Variants in CREB5 observed in about 807,000 individuals in gnomAD.
CREB5 encodes cyclic AMP-responsive element-binding protein 5.
CREB5 carries 19 observed loss-of-function variants against 57.1 expected under a neutral mutation model. That is an observed-to-expected ratio of 0.33 (90% CI 0.23 to 0.49). CREB5 has a LOEUF of 0.49. CREB5 is among the 20% of genes least tolerant of loss of function. The probability of loss-of-function intolerance (pLI) is 0.99; values close to 1 mark genes in which losing one functional copy is unlikely to be tolerated. For synonymous variants in CREB5, 238 were observed against 238.3 expected, an observed-to-expected ratio of 1.00 and a Z score of 0.01; for missense variants, 579 against 671.6, an observed-to-expected ratio of 0.86 and a Z score of 1.52.
intron 7 of CREB5, among the ~76,000 whole-genome samples, chr7:28,735,103 T>TG (rs1359618509): frequency 2.8e-4 from 42 of 152,088 alleles, no homozygotes; most frequent in Non-Finnish European, 5.9e-4. Flanking sequence ...CACTTAATCG[T>TG]TTTGGTTTTT....
chr7:28,425,849 A>G (rs1256999523), intron 1 of CREB5, among the ~76,000 whole-genome samples: 2 of 152,158 alleles, frequency 1.3e-5, no homozygotes, highest in Non-Finnish European at 2.9e-5. Flanking sequence ...TGCGCCTTTG[A>G]CATTTTCCTC....
intron 1 of CREB5, among the ~76,000 whole-genome samples, chr7:28,431,352 T>A (rs1303548805): frequency 1.3e-5 from 2 of 152,202 alleles, no homozygotes; most frequent in African/African-American, 4.8e-5. Context: ...ATGGCATTCA[T>A]AATGTCACAC....
intron 5 of CREB5, among the ~76,000 whole-genome samples, chr7:28,618,240 C>T (rs1797667807): frequency 6.6e-6 from 1 of 151,882 alleles, no homozygotes; most frequent in African/African-American, 2.4e-5. Context: ...TCTTAAAGAC[C>T]ATTAGAACTT....
chr7:28,656,577 G>A (rs531200158), intron 5 of CREB5, among the ~76,000 whole-genome samples: 4 of 152,262 alleles, frequency 2.6e-5, no homozygotes, highest in African/African-American at 9.6e-5. Flanking sequence ...ATAGAGAATA[G>A]CAATGTTCCA....
chr7:28,402,129 T>C (rs904948150), intron 1 of CREB5, among the ~76,000 whole-genome samples: 2 of 152,196 alleles, frequency 1.3e-5, no homozygotes, highest in African/African-American at 2.4e-5. Flanking sequence ...TGGTATCTCA[T>C]TGTGGTTTTG....
At chr7:28,776,177 A>G (rs1234910310) in intron 7 of CREB5, among the ~76,000 whole-genome samples, 1 of 152,076 alleles carries the variant, frequency 6.6e-6, no homozygotes, top group East Asian at 1.9e-4. Flanking sequence ...CTCTACTAAA[A>G]ATCCAAAAAA....
chr7:28,450,977 C>T (rs180899431), intron 1 of CREB5, among the ~76,000 whole-genome samples: 111 of 152,200 alleles, frequency 7.3e-4, no homozygotes, highest in Non-Finnish European at 1.0e-4. Context: ...TAGAGGGGAA[C>T]CTGGCTCTTT....
At chr7:28,552,042 CCTCTCTT>C (rs200290676) in intron 4 of CREB5, among the ~76,000 whole-genome samples, 1,941 of 144,708 alleles carry the variant, frequency 0.013, 37 homozygotes, top group African/African-American at 0.043. Context: ...TTTTCTCTCT[CCTCTCTT>C]CTCTCTTCTC....
At chr7:28,756,663 A>G (rs1805330743) in intron 7 of CREB5, among the ~76,000 whole-genome samples, 1 of 152,094 alleles carries the variant, frequency 6.6e-6, no homozygotes, top group South Asian at 2.1e-4. Context: ...TGAAGTGTTC[A>G]TTGAGGACTC....
chr7:28,379,023 T>C (rs1786903792), intron 1 of CREB5, among the ~76,000 whole-genome samples: 1 of 152,226 alleles, frequency 6.6e-6, no homozygotes. Flanking sequence ...TTAAGTCCAA[T>C]GTTACTAGAG....
intron 1 of CREB5, among the ~76,000 whole-genome samples, chr7:28,465,186 T>A (rs1359165780): frequency 2.6e-5 from 4 of 152,216 alleles, no homozygotes; most frequent in South Asian, 4.1e-4. Context: ...TAGTAGGTAC[T>A]GTAGAGGTAG....
intron 7 of CREB5, among the ~76,000 whole-genome samples, chr7:28,737,554 T>C (rs1160734427): frequency 2.7e-5 from 1 of 36,610 alleles, no homozygotes; most frequent in Non-Finnish European, 6.8e-5. Flanking sequence ...TATATATATA[T>C]ATATATATAT....
chr7:28,780,359 T>C (rs529063126), intron 7 of CREB5, among the ~76,000 whole-genome samples: 5 of 152,296 alleles, frequency 3.3e-5, no homozygotes, highest in Non-Finnish European at 5.9e-5. Flanking sequence ...GTGGAGGAAA[T>C]AGCCTTTAAC....
chr7:28,513,423 A>G (rs940992983), intron 4 of CREB5: 1 of 146,138 alleles, frequency 6.8e-6, no homozygotes, highest in African/African-American at 2.6e-5. Flanking sequence ...ATCCTAGTAG[A>G]TGAGGCTGCT....
chr7:28,630,644 G>A (rs866351184), intron 5 of CREB5, among the ~76,000 whole-genome samples: 3 of 152,292 alleles, frequency 2.0e-5, no homozygotes, highest in South Asian at 4.1e-4. Flanking sequence ...CAAGCAATGC[G>A]TAAAGCATTT....
chr7:28,468,507 C>T (rs187243672), intron 1 of CREB5, among the ~76,000 whole-genome samples: 15 of 152,302 alleles, frequency 9.8e-5, no homozygotes, highest in Admixed American at 2.0e-4. Context: ...CAGATCTGCT[C>T]GACCAAGGAT....
At chr7:28,373,938 G>A (rs1786768837) in intron 1 of CREB5, among the ~76,000 whole-genome samples, 1 of 142,916 alleles carries the variant, frequency 7.0e-6, no homozygotes, top group Non-Finnish European at 1.6e-5. Flanking sequence ...TAACTTTCTA[G>A]TTTTATAAAC....
intron 5 of CREB5, among the ~76,000 whole-genome samples, chr7:28,688,086 T>A (rs539524599): frequency 1.3e-5 from 2 of 152,346 alleles, no homozygotes; most frequent in East Asian, 3.9e-4. Context: ...TCAGGATGAA[T>A]TAGTACTTGA....
chr7:28,646,147 C>T (rs1178253833), intron 5 of CREB5, among the ~76,000 whole-genome samples: 2 of 152,178 alleles, frequency 1.3e-5, no homozygotes, highest in African/African-American at 4.8e-5. Flanking sequence ...ACCTGTCCCT[C>T]ATAATAGATC....
Sources: gnomAD v4.1 joint callset for allele counts (sites outside exome capture counted in the v4.1 genomes callset) on GRCh38, gnomAD v4.1.1 for gene constraint, MANE v1.5 for transcripts, NCBI Gene and HGNC (gene_info 2026-07-23, HGNC 2026-07-21) for gene names.